Variants in PCDHA2 observed in about 807,000 individuals in gnomAD.
PCDHA2 encodes the protein protocadherin alpha-2.
PCDHA2 carries 58 observed loss-of-function variants against 66.0 expected under a neutral mutation model. That is an observed-to-expected ratio of 0.88 (90% CI 0.71 to 1.09). PCDHA2 has a LOEUF of 1.09. PCDHA2 is among the 50% of genes least tolerant of loss of function. The pLI, the probability that PCDHA2 is intolerant of heterozygous loss-of-function variation, is 0.00. For synonymous variants in PCDHA2, 634 were observed against 554.0 expected (o/e 1.14, Z -2.03); for missense variants, 1,267 against 1,242.3 (o/e 1.02, Z -0.30).
chr5:140,802,298 A>G (rs1333077936), intron 1 of PCDHA2: 2 of 1,614,126 alleles, frequency 1.2e-6, no homozygotes, highest in African/African-American at 2.7e-5. Flanking sequence ...CACTTAGCAC[A>G]GTCATCGCTC....
At chr5:140,954,832 A>G (rs2095096599) in intron 1 of PCDHA2, among the ~76,000 whole-genome samples, 1 of 152,208 alleles carries the variant, frequency 6.6e-6, no homozygotes, top group Admixed American at 6.5e-5. Flanking sequence ...CACTTTTGTC[A>G]TGAAATCTTT....
intron 1 of PCDHA2, chr5:140,877,313 C>T (rs2057018817): frequency 6.2e-7 from 1 of 1,613,836 alleles, no homozygotes; most frequent in Non-Finnish European, 8.5e-7. Flanking sequence ...TTGCAACCGG[C>T]GGCGGTCGGC....
chr5:140,943,274 A>AAAAG (rs1349019397), intron 1 of PCDHA2, among the ~76,000 whole-genome samples: 1 of 141,284 alleles, frequency 7.1e-6, no homozygotes, highest in Admixed American at 7.3e-5. Context: ...AAAAAAAAAA[A>AAAAG]AAAGAAAGAA....
In PCDHA2 at chr5:140,859,254, G is replaced by C. The variant is rs1005222858; in HGVS notation, c.2388+61902G>C. 16 of 131,816 alleles carry C rather than the reference G, an allele frequency of 1.2e-4. 1 individual carries two copies. The highest frequency in any genetic ancestry group is 4.3e-4 in the African/African-American group (16 of 37,090). 8.2% of individuals were successfully genotyped at this position (131,816 alleles called of 1,614,324 possible). A position where few individuals can be genotyped will look rare whatever the true frequency, so the allele number is the denominator to read the frequency against. ...AGTCATGCTTATGTTTAATAATGAA[G>C]AGAATTTGAACACTTTTTACTTTTG... is the stretch of plus-strand genomic sequence containing the variant. On this transcript the variant is annotated intron_variant, in intron 1 of 3. Transcript: ENST00000526136.
intron 1 of PCDHA2, among the ~76,000 whole-genome samples, chr5:140,886,192 G>A (rs2060891690): frequency 6.6e-6 from 1 of 152,118 alleles, no homozygotes; most frequent in Non-Finnish European, 1.5e-5. Context: ...CTGGCAAGCA[G>A]TAATCTGTTC....
chr5:140,841,580 A>T (rs1777346702), intron 1 of PCDHA2: 1 of 1,613,870 alleles, frequency 6.2e-7, no homozygotes, highest in South Asian at 1.1e-5. Context: ...TTTGTTTGTG[A>T]ATTCTCGGAT....
chr5:140,941,214 C>CTTCTTTCTTTCTTT (rs1554214039), intron 1 of PCDHA2, among the ~76,000 whole-genome samples: 1 of 122,414 alleles, frequency 8.2e-6, no homozygotes. Flanking sequence ...TTTCTTTCTT[C>CTTCTTTCTTTCTTT]CTTTCTTTCT....
intron 1 of PCDHA2, chr5:140,968,939 A>G: frequency 6.2e-7 from 1 of 1,614,164 alleles, no homozygotes; most frequent in South Asian, 1.1e-5. Flanking sequence ...GACAATCATC[A>G]TTTTGAGCAT....
chr5:140,952,813 G>A (rs1162015418), intron 1 of PCDHA2, among the ~76,000 whole-genome samples: 1 of 152,158 alleles, frequency 6.6e-6, no homozygotes, highest in African/African-American at 2.4e-5. Context: ...TCTGCAGGCT[G>A]TACAGGAAGC....
At chr5:140,979,865 G>C (rs2096867408) in intron 2 of PCDHA2, among the ~76,000 whole-genome samples, 1 of 152,162 alleles carries the variant, frequency 6.6e-6, no homozygotes, top group Non-Finnish European at 1.5e-5. Flanking sequence ...CAAAATATCT[G>C]GGCAACTATC....
intron 1 of PCDHA2, among the ~76,000 whole-genome samples, chr5:140,977,966 G>A (rs562447024): frequency 3.9e-5 from 6 of 152,004 alleles, no homozygotes; most frequent in South Asian, 4.2e-4. Context: ...CTCAATCTCC[G>A]CCCATGAAAA....
At chr5:140,984,254 G>A (rs553931247) in intron 3 of PCDHA2, among the ~76,000 whole-genome samples, 1 of 152,278 alleles carries the variant, frequency 6.6e-6, no homozygotes, top group East Asian at 1.9e-4. Flanking sequence ...GACCTGGTAA[G>A]CCACAAACTA....
intron 1 of PCDHA2, chr5:140,968,411 G>C (rs895173088): frequency 1.9e-6 from 3 of 1,614,012 alleles, no homozygotes; most frequent in South Asian, 1.1e-5. Context: ...CTTTGTGACT[G>C]TGGAGGCTCA....
At chr5:140,907,092 G>C (rs1381969899) in intron 1 of PCDHA2, among the ~76,000 whole-genome samples, 4 of 152,262 alleles carry the variant, frequency 2.6e-5, no homozygotes, top group African/African-American at 9.6e-5. Context: ...GGTAAGTGGT[G>C]CCACTTCCAC....
intron 1 of PCDHA2, among the ~76,000 whole-genome samples, chr5:140,976,972 C>T (rs969505831): frequency 2.6e-5 from 4 of 152,182 alleles, no homozygotes; most frequent in Non-Finnish European, 5.9e-5. Flanking sequence ...TTCCTTTTCC[C>T]TGCCTGATCT....
Position 140,822,373 on chromosome 5 carries a change from G to C in PCDHA2, c.2388+25021G>C, listed in dbSNP as rs782531661. On this transcript the variant is annotated intron_variant, in intron 1 of 3. Coordinates refer to ENST00000526136, the MANE Select transcript of PCDHA2 (RefSeq NM_018905.3). ...AGAGCTGGTTTTGAGGAAATCCTTA[G>C]ATAGAGAAGAAACACAAGAACACCG... 1 of 1,614,112 alleles carries C rather than the reference G, an allele frequency of 6.2e-7. No individual in the cohort carries two copies. The highest frequency in any genetic ancestry group is 1.7e-5 in the Admixed American group (1 of 60,034).
rs782494955 is a variant in PCDHA2, at chr5:140,797,013, G to A, written c.2049G>A (p.Trp683Ter). 2 of 1,613,634 alleles carry A rather than the reference G, an allele frequency of 1.2e-6. No individual in the cohort carries two copies. The highest frequency in any genetic ancestry group is 1.7e-5 in the Admixed American group (1 of 60,016). ...CACCCAAGGCCTCGTCGCGGGCGTGGGTGGGCGCCGCGGGCTCAGAGGCTA... is the reference window on the plus strand; with the variant it reads ...CACCCAAGGCCTCGTCGCGGGCGTGAGTGGGCGCCGCGGGCTCAGAGGCTA... ...GQAPKASSRA[W>*]VGAAGSEATL... Residue 683 changes from tryptophan (W) to a stop codon, truncating the protein, a stop_gained, in exon 1 of 4, where the codon TGG becomes TGA. Transcript: ENST00000526136. LOFTEE classifies it high-confidence loss of function.
chr5:140,849,999 C>A, intron 1 of PCDHA2: 1 of 1,597,044 alleles, frequency 6.3e-7, no homozygotes, highest in East Asian at 2.2e-5. Flanking sequence ...GTTGGGCGAG[C>A]GCTCGCTGTC....
In PCDHA2 at chr5:140,843,020, G is replaced by C. The variant is rs142550829; in HGVS notation, c.2388+45668G>C. The C allele has an allele frequency of 3.1e-6, 5 of 1,595,174 alleles. 1 individual carries two copies. Among genetic ancestry groups the C allele is most frequent in the Non-Finnish European group, 4.3e-6 (5 of 1,165,458 alleles). ...GAATGACAACGCGCCGGCACTGCTGGAGCCTCGGGTGGGTGGCACTGGTGG... is the reference window on the plus strand; with the variant it reads ...GAATGACAACGCGCCGGCACTGCTGCAGCCTCGGGTGGGTGGCACTGGTGG... On this transcript the variant is annotated intron_variant, in intron 1 of 3. Coordinates refer to ENST00000526136, the MANE Select transcript of PCDHA2 (RefSeq NM_018905.3).
Sources: allele counts gnomAD v4.1 joint callset (sites outside exome capture counted in the v4.1 genomes callset), GRCh38; gene constraint gnomAD v4.1.1; transcripts MANE v1.5; gene names NCBI Gene and HGNC (gene_info 2026-07-23, HGNC 2026-07-21).